Variants in RNF13 observed in about 807,000 individuals in gnomAD.
The protein encoded by RNF13 is E3 ubiquitin-protein ligase RNF13.
A neutral mutation model predicts 37.7 loss-of-function variants in RNF13; 19 were observed. That is an observed-to-expected ratio of 0.50 (90% CI 0.35 to 0.74). The LOEUF (loss-of-function observed/expected upper bound fraction) is 0.74, where lower values mean the gene tolerates loss of function less well. RNF13 is among the 30% of genes least tolerant of loss of function. RNF13 has a pLI of 0.01. For synonymous variants in RNF13, 144 were observed against 157.8 expected (o/e 0.91, Z 0.65); for missense variants, 375 against 453.0 (o/e 0.83, Z 1.56).
At chr3:149,949,405 A>C (rs747711126) in intron 8 of RNF13, among the ~76,000 whole-genome samples, 2 of 147,772 alleles carry the variant, frequency 1.4e-5, no homozygotes, top group Non-Finnish European at 3.0e-5. Flanking sequence ...ATCTAATATG[A>C]GCTCCTTTGT....
intron 8 of RNF13, among the ~76,000 whole-genome samples, chr3:149,954,400 C>T (rs1011556105): frequency 2.0e-5 from 3 of 151,804 alleles, no homozygotes; most frequent in African/African-American, 7.3e-5. Flanking sequence ...GTATTACCAC[C>T]CTTACCCTTA....
intron 1 of RNF13, chr3:149,817,321 G>A (rs1159379844): frequency 6.6e-6 from 1 of 152,124 alleles, no homozygotes; most frequent in Non-Finnish European, 1.5e-5. Context: ...GAGATCAGGA[G>A]GTAAGGTAGT....
At chr3:149,873,528 G>A (rs1712328795) in intron 4 of RNF13, among the ~76,000 whole-genome samples, 1 of 152,026 alleles carries the variant, frequency 6.6e-6, no homozygotes, top group Non-Finnish European at 1.5e-5. Flanking sequence ...TTCACTGCTT[G>A]CCTTGAATTT....
intron 8 of RNF13, among the ~76,000 whole-genome samples, chr3:149,958,908 A>C (rs80080964): frequency 0.016 from 2,369 of 152,330 alleles, 58 homozygotes; most frequent in African/African-American, 0.054. Context: ...TTTTCATTAA[A>C]GCTTTCTATT....
Position 149,823,349 on chromosome 3 carries a change from G to A in RNF13, c.-17+9996G>A, listed in dbSNP as rs190391159. Among the ~76,000 whole-genome samples the A allele has an allele frequency of 9.2e-5, 14 of 152,168 alleles. No individual in the cohort carries two copies. The East Asian group carries it at 2.7e-3, about 29-fold the overall frequency. On this transcript the variant is annotated intron_variant, in intron 1 of 9. Transcript: ENST00000392894. ...TGTAGTAAGCATTTGATAAATATTA[G>A]CTATTTTTGTCATTTATAATTTCAC...
chr3:149,933,766 TAG>T, intron 8 of RNF13, among the ~76,000 whole-genome samples: 1 of 152,014 alleles, frequency 6.6e-6, no homozygotes, highest in Non-Finnish European at 1.5e-5. Context: ...GTATTCTTAG[TAG>T]AGACGGGGTT....
At chr3:149,893,367 G>A (rs939507385) in intron 4 of RNF13, among the ~76,000 whole-genome samples, 1 of 152,134 alleles carries the variant, frequency 6.6e-6, no homozygotes, top group South Asian at 2.1e-4. Context: ...TTTTGTATTA[G>A]CAGGAAACAG....
chr3:149,864,284 C>T (rs1023867574), intron 3 of RNF13, among the ~76,000 whole-genome samples: 1 of 151,942 alleles, frequency 6.6e-6, no homozygotes. Context: ...CCTCTTTCAT[C>T]ATGTGATCTC....
At chr3:149,829,785 T>A (rs1299967648) in intron 1 of RNF13, among the ~76,000 whole-genome samples, 6 of 152,246 alleles carry the variant, frequency 3.9e-5, no homozygotes, top group Non-Finnish European at 8.8e-5. Flanking sequence ...ATGGTTTGGC[T>A]GTGTTCCCAC....
chr3:149,925,877 T>C (rs1718586779), intron 8 of RNF13, among the ~76,000 whole-genome samples: 2 of 152,236 alleles, frequency 1.3e-5, no homozygotes, highest in African/African-American at 2.4e-5. Context: ...ATCCAATACT[T>C]TGTACTGATG....
intron 3 of RNF13, 85 bp from the exon 4 acceptor site, chr3:149,871,944 G>C: frequency 8.1e-7 from 1 of 1,235,208 alleles, no homozygotes; most frequent in Non-Finnish European, 1.1e-6. Context: ...CAAAACACAT[G>C]ACAAATCGAA....
chr3:149,814,847 A>G (rs751979653), intron 1 of RNF13, among the ~76,000 whole-genome samples: 1 of 152,114 alleles, frequency 6.6e-6, no homozygotes, highest in African/African-American at 2.4e-5. Context: ...TTTGTCTATT[A>G]CATAATTTTT....
intron 8 of RNF13, among the ~76,000 whole-genome samples, chr3:149,959,359 A>C (rs1013353554): frequency 2.6e-5 from 4 of 152,224 alleles, no homozygotes; most frequent in Non-Finnish European, 5.9e-5. Flanking sequence ...TCCTTTAAAA[A>C]CTTAAAAAAC....
At chr3:149,859,094 T>C (rs73870460) in intron 3 of RNF13, among the ~76,000 whole-genome samples, 2,118 of 152,338 alleles carry the variant, frequency 0.014, 17 homozygotes, top group African/African-American at 0.019. Context: ...AGTTTTGTGA[T>C]GTGAAGAAAG....
At chr3:149,850,997 C>T (rs2108386885) in intron 2 of RNF13, among the ~76,000 whole-genome samples, 1 of 152,266 alleles carries the variant, frequency 6.6e-6, no homozygotes, top group Non-Finnish European at 1.5e-5. Context: ...AAGTACACTG[C>T]TAGGATGATT....
At chr3:149,893,157 A>G (rs1441796171) in intron 4 of RNF13, among the ~76,000 whole-genome samples, 1 of 152,178 alleles carries the variant, frequency 6.6e-6, no homozygotes, top group Non-Finnish European at 1.5e-5. Context: ...TATCTTACTC[A>G]TTATGTAAGC....
At chr3:149,936,259 C>T (rs1719664456) in intron 8 of RNF13, among the ~76,000 whole-genome samples, 1 of 151,924 alleles carries the variant, frequency 6.6e-6, no homozygotes, top group Admixed American at 6.6e-5. Flanking sequence ...CTTCCTATGC[C>T]TGGATATTTA....
At chr3:149,956,721 C>G (rs992438190) in intron 8 of RNF13, among the ~76,000 whole-genome samples, 5 of 152,296 alleles carry the variant, frequency 3.3e-5, no homozygotes, top group Admixed American at 3.3e-4. Flanking sequence ...ATATAACAGA[C>G]ATGAATCTGA....
intron 3 of RNF13, among the ~76,000 whole-genome samples, chr3:149,859,174 G>T (rs1522239): frequency 0.87 from 132,257 of 152,170 alleles, 57,608 homozygotes; most frequent in African/African-American, 0.92. Flanking sequence ...GTTTATAAAC[G>T]AAAACAAAGG....
Sources: gnomAD v4.1 joint callset for allele counts (sites outside exome capture counted in the v4.1 genomes callset) on GRCh38, gnomAD v4.1.1 for gene constraint, MANE v1.5 for transcripts, NCBI Gene and HGNC (gene_info 2026-07-23, HGNC 2026-07-21) for gene names.